The following OPCML variants were observed in gnomAD, a reference collection of about 807,000 sequenced individuals.
OPCML encodes opioid binding protein/cell adhesion molecule like.
A neutral mutation model predicts 37.8 loss-of-function variants in OPCML; 13 were observed. That is an observed-to-expected ratio of 0.34 (90% confidence interval 0.22 to 0.55). OPCML has a LOEUF of 0.55. OPCML is among the 20% of genes least tolerant of loss of function. The pLI is 0.91. For synonymous variants in OPCML, 176 were observed against 168.8 expected (o/e 1.04, Z -0.33); for missense variants, 341 against 435.6 (o/e 0.78, Z 1.93).
intron 1 of OPCML, among the ~76,000 whole-genome samples, chr11:133,149,063 C>T (rs1294086894): frequency 6.6e-6 from 1 of 152,170 alleles, no homozygotes; most frequent in Non-Finnish European, 1.5e-5. Flanking sequence ...CCACACTTCA[C>T]CTGCTCTCTG....
rs2136644862 is a variant in OPCML, at chr11:132,420,172, C to T, written c.*21G>A. The T allele has an allele frequency of 6.2e-7, 1 of 1,610,630 alleles. No homozygotes were observed. Among genetic ancestry groups the T allele is most frequent in the Non-Finnish European group, 8.5e-7 (1 of 1,176,942 alleles). On this transcript the variant is annotated 3_prime_UTR_variant, in exon 8 of 8. Transcript: ENST00000524381. ...GTGATATGGAGAAGCAGGCGTTGCT[C>T]AGAGGACCTAGGATTTCTTATCAAA... is the stretch of plus-strand genomic sequence containing the variant.
At chr11:132,565,786 A>G (rs571829503) in intron 3 of OPCML, among the ~76,000 whole-genome samples, 2 of 152,322 alleles carry the variant, frequency 1.3e-5, no homozygotes, top group African/African-American at 4.8e-5. Context: ...TAATCCCAGC[A>G]TTTTGGGAGG....
intron 7 of OPCML, among the ~76,000 whole-genome samples, chr11:132,425,816 G>A (rs1394078974): frequency 6.6e-6 from 1 of 152,180 alleles, no homozygotes; most frequent in Non-Finnish European, 1.5e-5. Flanking sequence ...CTAATGAATG[G>A]CAGCTATTCT....
chr11:132,452,014 C>T (rs2212482), intron 4 of OPCML, among the ~76,000 whole-genome samples: 25,389 of 151,990 alleles, frequency 0.17, 4,464 homozygotes, highest in African/African-American at 0.44. Flanking sequence ...TTCAATGTCA[C>T]GCTCCTCCAT....
intron 1 of OPCML, among the ~76,000 whole-genome samples, chr11:133,383,337 G>A (rs965523661): frequency 1.3e-5 from 2 of 152,062 alleles, no homozygotes; most frequent in African/African-American, 4.8e-5. Context: ...CTCTTTCTAC[G>A]ACAGGAATCT....
chr11:133,463,689 G>T (rs1946910624), intron 1 of OPCML, among the ~76,000 whole-genome samples: 1 of 151,942 alleles, frequency 6.6e-6, no homozygotes, highest in African/African-American at 2.4e-5. Flanking sequence ...CAGCTATACC[G>T]ACACCTGGAA....
chr11:133,455,117 C>G (rs1946649701), intron 1 of OPCML, among the ~76,000 whole-genome samples: 1 of 152,138 alleles, frequency 6.6e-6, no homozygotes. Context: ...GTCTTGCATC[C>G]TTCACCAACC....
chr11:133,138,755 G>A (rs79047492), intron 1 of OPCML, among the ~76,000 whole-genome samples: 4,825 of 152,168 alleles, frequency 0.032, 254 homozygotes, highest in African/African-American at 0.11. Flanking sequence ...GTCTTAGAGC[G>A]AACCCTCTCT....
chr11:133,213,437 G>T (rs1000253149), intron 1 of OPCML, among the ~76,000 whole-genome samples: 11 of 152,012 alleles, frequency 7.2e-5, no homozygotes, highest in Admixed American at 2.0e-4. Flanking sequence ...TTAAAAATTT[G>T]GTCTTTTAGA....
chr11:133,487,455 T>A (rs1362391914), intron 1 of OPCML, among the ~76,000 whole-genome samples: 2 of 152,194 alleles, frequency 1.3e-5, no homozygotes, highest in Non-Finnish European at 2.9e-5. Context: ...AACATAACTG[T>A]CTCTGAGAAG....
At chr11:132,637,747 C>T (rs1250319210) in intron 3 of OPCML, among the ~76,000 whole-genome samples, 1 of 152,116 alleles carries the variant, frequency 6.6e-6, no homozygotes, top group African/African-American at 2.4e-5. Flanking sequence ...GTATTAGAAC[C>T]TGGCAGTGCT....
intron 1 of OPCML, among the ~76,000 whole-genome samples, chr11:133,270,187 A>G (rs1471137769): frequency 6.6e-6 from 1 of 152,148 alleles, no homozygotes; most frequent in East Asian, 1.9e-4. Context: ...GGATTGATTG[A>G]TTGATTAATA....
intron 2 of OPCML, among the ~76,000 whole-genome samples, chr11:132,788,902 T>C (rs913255602): frequency 1.3e-5 from 2 of 152,228 alleles, no homozygotes; most frequent in Admixed American, 6.5e-5. Context: ...AGCTTCCCAT[T>C]GCTTTTAGGA....
intron 1 of OPCML, among the ~76,000 whole-genome samples, chr11:133,439,669 G>GTTTTT (rs555220531): frequency 0.022 from 3,299 of 151,716 alleles, 54 homozygotes; most frequent in South Asian, 0.075. Context: ...GGGTTTCACC[G>GTTTTT]TTTTAGCCAG....
At chr11:132,648,014 G>A (rs748165592) in intron 3 of OPCML, among the ~76,000 whole-genome samples, 15 of 152,184 alleles carry the variant, frequency 9.9e-5, no homozygotes, top group Non-Finnish European at 1.9e-4. Flanking sequence ...GGTAATACTT[G>A]TTAACTAGGA....
chr11:132,590,830 C>T (rs932523247), intron 3 of OPCML, among the ~76,000 whole-genome samples: 15 of 152,128 alleles, frequency 9.9e-5, no homozygotes, highest in Non-Finnish European at 1.5e-4. Context: ...GGTGCCCTTT[C>T]GTCCTGGAGA....
intron 3 of OPCML, among the ~76,000 whole-genome samples, chr11:132,570,101 G>A (rs2096433847): frequency 6.6e-6 from 1 of 152,110 alleles, no homozygotes; most frequent in Non-Finnish European, 1.5e-5. Context: ...AAAAATACCT[G>A]AATCAAAATT....
intron 3 of OPCML, among the ~76,000 whole-genome samples, chr11:132,582,149 T>TGTGA (rs879738609): frequency 0.013 from 1,696 of 129,630 alleles, 25 homozygotes; most frequent in African/African-American, 0.037. Flanking sequence ...TGTGTGTGTG[T>TGTGA]GAAACAGAGA....
intron 1 of OPCML, among the ~76,000 whole-genome samples, chr11:133,284,531 G>C (rs1942245560): frequency 6.6e-6 from 1 of 152,216 alleles, no homozygotes; most frequent in Admixed American, 6.5e-5. Flanking sequence ...GATGGGAAGG[G>C]AAGGGCGGCA....
Sources: gnomAD v4.1 joint callset for allele counts (sites outside exome capture counted in the v4.1 genomes callset) on GRCh38, gnomAD v4.1.1 for gene constraint, MANE v1.5 for transcripts, NCBI Gene and HGNC (gene_info 2026-07-23, HGNC 2026-07-21) for gene names.